The following BECN1 variants were observed in gnomAD, a reference collection of about 807,000 sequenced individuals.
BECN1 encodes the protein beclin 1.
A neutral mutation model predicts 60.1 loss-of-function variants in BECN1; 15 were observed. The observed-to-expected ratio is 0.25, with a 90% confidence interval of 0.17 to 0.38. The LOEUF is 0.38. Ranked by LOEUF, BECN1 falls within the 10% of genes least tolerant of loss-of-function variation. The pLI is 1.00. For synonymous variants in BECN1, 179 were observed against 201.8 expected (o/e 0.89, Z 0.96); for missense variants, 424 against 548.2 (o/e 0.77, Z 2.26).
intron 2 of BECN1, among the ~76,000 whole-genome samples, 199 bp downstream of exon 2, chr17:42,823,549 C>T (rs188958204): frequency 1.3e-5 from 2 of 152,312 alleles, no homozygotes; most frequent in African/African-American, 4.8e-5. Context: ...CCACCGCGCC[C>T]GGTCGGAAAG....
chr17:42,818,731 A>G lies in BECN1; in HGVS notation c.352-51T>C, dbSNP rs113886851. 3.8e-3 allele frequency: 6,203 copies of G among 1,613,804 alleles called. 236 individuals are homozygous for G. In the African/African-American group the frequency reaches 0.072, roughly 19 times the overall value. The stretch of plus-strand genomic sequence containing the variant: ...GGGCCTCCCCCATGCTTCCTGCTCA[A>G]TTACCCACTCTCCCAGCCAGGCCTA... On this transcript the variant is annotated intron_variant, in intron 5 of 11. Transcript: ENST00000590099.
intron 5 of BECN1, 24 bp downstream of exon 5, chr17:42,818,763 G>T: frequency 6.2e-7 from 1 of 1,614,026 alleles, no homozygotes; most frequent in South Asian, 1.1e-5. Flanking sequence ...CCTACTGCTT[G>T]CCACCGGAAT....
Position 42,823,246 on chromosome 17 carries a change from T to G in BECN1, c.130+502A>C, listed in dbSNP as rs117579659. Among the ~76,000 whole-genome samples the G allele has an allele frequency of 7.9e-3, 1,204 of 152,310 alleles. 52 individuals are homozygous for G. Among genetic ancestry groups the G allele is most frequent in the Admixed American group, 0.068 (1,032 of 15,282 alleles). ...CAGGAGCAGAAAATAAGGATCTTTC[T>G]TTTGCTACTGAAAGCTCTCTTTTTT... On this transcript the variant is annotated intron_variant, in intron 2 of 11. Coordinates refer to ENST00000590099, the MANE Select transcript of BECN1 (RefSeq NM_001313998.2).
chr17:42,822,325 A>G (rs1327063750), intron 2 of BECN1, among the ~76,000 whole-genome samples: 1 of 152,232 alleles, frequency 6.6e-6, no homozygotes, highest in Non-Finnish European at 1.5e-5. Flanking sequence ...GTGGTTTGTC[A>G]TATTTGAACT....
At chr17:42,818,139 A>G in intron 7 of BECN1, 82 bp downstream of exon 7, 1 of 1,454,186 alleles carries the variant, frequency 6.9e-7, no homozygotes, top group South Asian at 1.3e-5. Flanking sequence ...TAGTTTACAA[A>G]CTATTCAGAC....
At chr17:42,820,563 T>C in intron 3 of BECN1, 1 of 494,328 alleles carries the variant, frequency 2.0e-6, no homozygotes, top group Non-Finnish European at 3.6e-6. Flanking sequence ...TCAGTAACCC[T>C]GTGACCTCAG....
chr17:42,810,625 G>C lies in BECN1; in HGVS notation c.*135C>G. 2.2e-6 allele frequency: 2 copies of C among 890,130 alleles called. No homozygotes were observed. Among genetic ancestry groups the C allele is most frequent in the Non-Finnish European group, 3.2e-6 (2 of 621,936 alleles). The allele number at this position is 890,130 out of a possible 1,614,324, so 55.1% of individuals were successfully genotyped here. A position where few individuals can be genotyped will look rare whatever the true frequency, so the allele number is the denominator to read the frequency against. ...GTCACATGATATTTTAAAATAAAGT[G>C]GCTTTTGTGGATTTTTTCTTTTTTG... On this transcript the variant is annotated 3_prime_UTR_variant, in exon 12 of 12. Coordinates refer to ENST00000590099, the MANE Select transcript of BECN1 (RefSeq NM_001313998.2).
At chr17:42,818,961 T>G in intron 4 of BECN1, 84 bp from the exon 5 acceptor site, 2 of 1,487,118 alleles carry the variant, frequency 1.3e-6, no homozygotes, top group East Asian at 4.6e-5. Context: ...GCAGAGACTC[T>G]CAAGCACCAG....
Position 42,818,327 on chromosome 17 carries a change from TCTC to T in BECN1, c.574_576del (p.Glu192del), listed in dbSNP as rs1438349098. ...ACGTCTTCCAGCTCCTGGATCAGCC[TCTC>T]CTCCTCTAGTGCCAGCTCCTTTAGC... On this transcript the variant is annotated inframe_deletion, in exon 7 of 12. Transcript: ENST00000590099. 8 of 1,614,214 alleles carry T rather than the reference TCTC, an allele frequency of 5.0e-6. No individual in the cohort carries two copies. The highest frequency in any genetic ancestry group is 1.1e-5 in the South Asian group (1 of 91,086).
chr17:42,817,000 A>C (rs1038381029), intron 7 of BECN1, among the ~76,000 whole-genome samples: 2 of 150,348 alleles, frequency 1.3e-5, no homozygotes, highest in African/African-American at 2.5e-5. Context: ...AACAAAAAAC[A>C]GTGGCTTTTT....
intron 4 of BECN1, chr17:42,819,100 A>C (rs1253141300): frequency 1.8e-6 from 1 of 562,268 alleles, no homozygotes; most frequent in African/African-American, 1.9e-5. Context: ...TGGTGGACTA[A>C]GGAGGGAGAG....
chr17:42,823,255 T>C (rs542624898), intron 2 of BECN1, among the ~76,000 whole-genome samples: 1 of 152,350 alleles, frequency 6.6e-6, no homozygotes, highest in African/African-American at 2.4e-5. Flanking sequence ...CTTTTGCTAC[T>C]GAAAGCTCTC....
At chr17:42,822,391 G>T (rs1252702799) in intron 2 of BECN1, among the ~76,000 whole-genome samples, 1 of 152,094 alleles carries the variant, frequency 6.6e-6, no homozygotes, top group Non-Finnish European at 1.5e-5. Flanking sequence ...AGAAACCAAG[G>T]CTTGGAGAAA....
intron 2 of BECN1, among the ~76,000 whole-genome samples, chr17:42,822,847 ATT>A (rs59395884): frequency 6.4e-5 from 9 of 139,768 alleles, no homozygotes; most frequent in Admixed American, 1.4e-4. Context: ...ACACCCAGCA[ATT>A]TTTTTTTTTT....
At chr17:42,811,611 A>C in intron 11 of BECN1, 44 bp downstream of exon 11, 1 of 1,572,530 alleles carries the variant, frequency 6.4e-7, no homozygotes, top group Non-Finnish European at 8.6e-7. Context: ...AATTCTGTTC[A>C]ATTTGGTCCT....
intron 3 of BECN1, 77 bp downstream of exon 3, chr17:42,820,697 T>C: frequency 7.0e-7 from 1 of 1,435,818 alleles, no homozygotes; most frequent in Non-Finnish European, 9.6e-7. Flanking sequence ...CAAGCCTGCA[T>C]TCCTGTTTTC....
At chr17:42,816,391 C>T (rs1174555701) in intron 7 of BECN1, among the ~76,000 whole-genome samples, 5 of 152,154 alleles carry the variant, frequency 3.3e-5, no homozygotes, top group African/African-American at 9.7e-5. Flanking sequence ...GTGGCTCACA[C>T]CTGTAATCCC....
chr17:42,823,405 C>G (rs1253002199), intron 2 of BECN1, among the ~76,000 whole-genome samples: 1 of 152,136 alleles, frequency 6.6e-6, no homozygotes, highest in Admixed American at 6.5e-5. Flanking sequence ...CAGGCACGTG[C>G]CATCACGCCC....
chr17:42,820,673 T>A, intron 3 of BECN1, 101 bp downstream of exon 3: 1 of 1,228,176 alleles, frequency 8.1e-7, no homozygotes, highest in East Asian at 2.5e-5. Context: ...AAGCGCCAAG[T>A]AGCCTGCAGA....
Sources: allele counts gnomAD v4.1 joint callset (sites outside exome capture counted in the v4.1 genomes callset), GRCh38; gene constraint gnomAD v4.1.1; transcripts MANE v1.5; gene names NCBI Gene and HGNC (gene_info 2026-07-23, HGNC 2026-07-21).